The following MDGA2 variants were observed in gnomAD, a reference collection of about 807,000 sequenced individuals.
MDGA2 encodes MAM domain containing glycosylphosphatidylinositol anchor 2, also known as MAM domain-containing glycosylphosphatidylinositol anchor protein 2.
MDGA2 carries 40 observed loss-of-function variants against 117.8 expected under a neutral mutation model. The observed-to-expected ratio is 0.34, with a 90% CI of 0.26 to 0.44. The LOEUF is 0.44. Among genes scored for constraint, MDGA2 ranks in the 20% least tolerant of loss-of-function variants. The pLI, the probability that MDGA2 is intolerant of heterozygous loss-of-function variation, is 1.00. For missense variants in MDGA2, 1,123 were observed against 1,250.6 expected, an observed-to-expected ratio of 0.90 and a Z score of 1.54; for synonymous variants, 452 against 439.0, an observed-to-expected ratio of 1.03 and a Z score of -0.37.
chr14:47,516,479 T>A (rs1255155884), intron 1 of MDGA2, among the ~76,000 whole-genome samples: 3 of 152,186 alleles, frequency 2.0e-5, no homozygotes, highest in East Asian at 1.9e-4. Context: ...TACTACTGAT[T>A]AATAGACTTG....
chr14:47,667,860 C>A (rs770318620), intron 1 of MDGA2, among the ~76,000 whole-genome samples: 19 of 152,136 alleles, frequency 1.2e-4, no homozygotes, highest in Non-Finnish European at 2.2e-4. Context: ...ACATGTCATA[C>A]ACATGACCCC....
chr14:46,932,827 A>T (rs1357556063), intron 9 of MDGA2, among the ~76,000 whole-genome samples: 1 of 151,816 alleles, frequency 6.6e-6, no homozygotes, highest in Non-Finnish European at 1.5e-5. Context: ...TTTTGAAATT[A>T]AACTGTCTTT....
chr14:47,013,658 T>C (rs527767132), intron 8 of MDGA2, among the ~76,000 whole-genome samples: 25 of 151,364 alleles, frequency 1.7e-4, no homozygotes, highest in South Asian at 1.5e-3. Context: ...ATGATAGTTA[T>C]AACCTTATAA....
intron 8 of MDGA2, among the ~76,000 whole-genome samples, chr14:47,022,240 C>A (rs2138588960): frequency 6.6e-6 from 1 of 152,180 alleles, no homozygotes; most frequent in Non-Finnish European, 1.5e-5. Context: ...TGTGCATCAC[C>A]ATGCCTGGCT....
At chr14:47,182,636 G>A (rs1484361414) in intron 3 of MDGA2, among the ~76,000 whole-genome samples, 1 of 152,294 alleles carries the variant, frequency 6.6e-6, no homozygotes, top group East Asian at 1.9e-4. Context: ...CCAGTCTGCA[G>A]TATTGTATAG....
At chr14:47,102,392 C>A (rs1034491904) in intron 5 of MDGA2, among the ~76,000 whole-genome samples, 28 of 139,602 alleles carry the variant, frequency 2.0e-4, no homozygotes, top group South Asian at 4.4e-4. Context: ...CACACACACA[C>A]AAACACACAC....
intron 14 of MDGA2, among the ~76,000 whole-genome samples, chr14:46,858,654 C>A (rs1881383404): frequency 6.6e-6 from 1 of 151,990 alleles, no homozygotes; most frequent in African/African-American, 2.4e-5. Context: ...GTCTCGATCT[C>A]CCGACCTCGT....
intron 1 of MDGA2, among the ~76,000 whole-genome samples, chr14:47,443,412 G>T (rs943217235): frequency 1.3e-5 from 2 of 152,118 alleles, no homozygotes; most frequent in Non-Finnish European, 2.9e-5. Flanking sequence ...CTTGGATATG[G>T]AGAACTACTA....
intron 2 of MDGA2, among the ~76,000 whole-genome samples, chr14:47,219,948 T>G (rs1886239130): frequency 6.6e-6 from 1 of 152,124 alleles, no homozygotes; most frequent in African/African-American, 2.4e-5. Flanking sequence ...TTCTTAAGTT[T>G]TATTTTAAAT....
intron 1 of MDGA2, among the ~76,000 whole-genome samples, chr14:47,442,029 T>C (rs10147666): frequency 0.74 from 98,394 of 133,324 alleles, 32,031 homozygotes; most frequent in Middle Eastern, 0.8. Context: ...TGCAGTCTAG[T>C]GAAGAAAAGA....
chr14:46,847,318 A>C lies in MDGA2; in HGVS notation c.2884-1447T>G, dbSNP rs149558288. On this transcript the variant is annotated intron_variant, in intron 15 of 16. Transcript: ENST00000399232. Reference sequence around the variant, plus strand: ...GTTTCCTGCTTATCTATGTTAAGATAAGCATGTTCTTAAAGATTCTCCAAA... The same window carrying C: ...GTTTCCTGCTTATCTATGTTAAGATCAGCATGTTCTTAAAGATTCTCCAAA... Among the ~76,000 whole-genome samples, 12 of 152,260 alleles carry C rather than the reference A, an allele frequency of 7.9e-5. No individual in the cohort carries two copies. In the East Asian group the frequency reaches 2.1e-3, roughly 27 times the overall value.
intron 5 of MDGA2, 94 bp downstream of exon 5, chr14:47,131,620 C>T (rs1045035790): frequency 3.2e-5 from 32 of 1,002,130 alleles, no homozygotes; most frequent in East Asian, 4.9e-5. Context: ...CTACATACAC[C>T]GTAGAAATCA....
intron 1 of MDGA2, among the ~76,000 whole-genome samples, chr14:47,431,336 A>G (rs1892794965): frequency 6.6e-6 from 1 of 152,054 alleles, no homozygotes; most frequent in Admixed American, 6.6e-5. Context: ...TTCTAAATTT[A>G]GTGAAAAAAA....
At chr14:47,037,226 C>T (rs999311089) in intron 7 of MDGA2, among the ~76,000 whole-genome samples, 1 of 152,120 alleles carries the variant, frequency 6.6e-6, no homozygotes, top group Non-Finnish European at 1.5e-5. Context: ...TTTATTATCC[C>T]CCTACTATGT....
chr14:46,845,648 T>C (rs1735900793), intron 16 of MDGA2, 118 bp downstream of exon 16: 1 of 615,870 alleles, frequency 1.6e-6, no homozygotes, highest in Non-Finnish European at 2.7e-6. Context: ...ATATAAGAAA[T>C]TTCTAAATAA....
chr14:47,658,429 G>T (rs763866195), intron 1 of MDGA2, among the ~76,000 whole-genome samples: 1 of 152,128 alleles, frequency 6.6e-6, no homozygotes, highest in Non-Finnish European at 1.5e-5. Context: ...CTAGCTAAGG[G>T]TAATGGGTTC....
chr14:46,981,047 C>G (rs539391685), intron 8 of MDGA2, among the ~76,000 whole-genome samples: 358 of 152,160 alleles, frequency 2.4e-3, no homozygotes, highest in Non-Finnish European at 4.2e-3. Flanking sequence ...CTCTGGATAA[C>G]AGCATATATT....
intron 1 of MDGA2, among the ~76,000 whole-genome samples, chr14:47,422,397 G>A (rs951547815): frequency 2.6e-4 from 40 of 152,110 alleles, no homozygotes; most frequent in African/African-American, 8.9e-4. Context: ...ACCCCCTCCT[G>A]CCTCCTCCAG....
intron 3 of MDGA2, chr14:47,200,883 G>A: frequency 1.2e-6 from 1 of 861,056 alleles, no homozygotes; most frequent in Non-Finnish European, 2.0e-6. Flanking sequence ...AACACCTTAA[G>A]GCAGTCCAGA....
Sources: gnomAD v4.1 joint callset for allele counts (sites outside exome capture counted in the v4.1 genomes callset) on GRCh38, gnomAD v4.1.1 for gene constraint, MANE v1.5 for transcripts, NCBI Gene and HGNC (gene_info 2026-07-23, HGNC 2026-07-21) for gene names.